Variants in TMCO1 observed in about 807,000 individuals in gnomAD.
TMCO1 encodes calcium load-activated calcium channel.
In TMCO1, 29 loss-of-function variants were observed where a neutral mutation model predicts 29.3. The ratio of observed to expected loss-of-function variants is 0.99; its 90% CI spans 0.74 to 1.35. The LOEUF (loss-of-function observed/expected upper bound fraction) is 1.35, where lower values mean the gene tolerates loss of function less well. Among genes scored for constraint, TMCO1 ranks in the 40% most tolerant of loss-of-function variants. TMCO1 has a pLI of 0.00. For synonymous variants in TMCO1, 80 were observed against 77.1 expected, an observed-to-expected ratio of 1.04 and a Z score of -0.20; for missense variants, 173 against 225.5, an observed-to-expected ratio of 0.77 and a Z score of 1.49.
chr1:165,732,802 T>C (rs1392688912), intron 6 of TMCO1, among the ~76,000 whole-genome samples: 1 of 152,180 alleles, frequency 6.6e-6, no homozygotes, highest in East Asian at 1.9e-4. Context: ...AAAGGGAATA[T>C]AAAGTATTTA....
At chr1:165,760,176 A>G (rs1343788018) in intron 2 of TMCO1, among the ~76,000 whole-genome samples, 1 of 152,222 alleles carries the variant, frequency 6.6e-6, no homozygotes, top group Non-Finnish European at 1.5e-5. Flanking sequence ...CTATAACCCC[A>G]GCACTTTGGG....
intron 1 of TMCO1, 55 bp from the exon 2 acceptor site, chr1:165,768,324 A>G (rs1652651709): frequency 1.3e-6 from 2 of 1,566,566 alleles, no homozygotes; most frequent in Admixed American, 3.3e-5. Flanking sequence ...GATCACAACA[A>G]ACAAAGTGGT....
chr1:165,743,926 T>A (rs991548352), intron 5 of TMCO1, among the ~76,000 whole-genome samples: 2 of 151,462 alleles, frequency 1.3e-5, no homozygotes, highest in Non-Finnish European at 2.9e-5. Flanking sequence ...AGTGTCGCCG[T>A]CTCAGCTCAC....
chr1:165,759,666 T>C, intron 2 of TMCO1, 82 bp from the exon 3 acceptor site: 2 of 1,226,934 alleles, frequency 1.6e-6, no homozygotes, highest in South Asian at 1.3e-5. Flanking sequence ...GCTGAACCAA[T>C]GAAAGAAGCT....
At chr1:165,761,263 G>A (rs1254331931) in intron 2 of TMCO1, among the ~76,000 whole-genome samples, 2 of 152,040 alleles carry the variant, frequency 1.3e-5, no homozygotes, top group Non-Finnish European at 2.9e-5. Flanking sequence ...GGCCAGGCAT[G>A]GTGGCTCAAA....
At chr1:165,736,821 A>G (rs556415320) in intron 6 of TMCO1, among the ~76,000 whole-genome samples, 1 of 152,242 alleles carries the variant, frequency 6.6e-6, no homozygotes, top group African/African-American at 2.4e-5. Flanking sequence ...TTTGTTTTTG[A>G]GACAGAGTCT....
rs1411818361 is a variant in TMCO1, at chr1:165,768,853, G to C, written c.-102C>G. 1 of 1,577,708 alleles carries C rather than the reference G, an allele frequency of 6.3e-7. No individual in the cohort carries two copies. Among genetic ancestry groups the C allele is most frequent in the African/African-American group, 1.3e-5 (1 of 74,302 alleles). ...CTTCCGTAGACTCCGCCACCACCGA[G>C]TAACAGACCAACTCTGACAGCCCGA... On this transcript the variant is annotated 5_prime_UTR_variant, in exon 1 of 7. Coordinates refer to ENST00000367881, the MANE Select transcript of TMCO1 (RefSeq NM_019026.6).
intron 5 of TMCO1, among the ~76,000 whole-genome samples, chr1:165,749,500 T>C (rs901737406): frequency 2.6e-5 from 4 of 152,146 alleles, no homozygotes; most frequent in African/African-American, 9.7e-5. Context: ...GAAACAAATA[T>C]TTAAATATAA....
At chr1:165,744,010 C>A (rs1049879375) in intron 5 of TMCO1, among the ~76,000 whole-genome samples, 30 of 151,892 alleles carry the variant, frequency 2.0e-4, no homozygotes, top group African/African-American at 7.3e-4. Flanking sequence ...CAGATGTGCA[C>A]CACCACACCC....
chr1:165,755,697 A>C (rs957910663), intron 3 of TMCO1, among the ~76,000 whole-genome samples: 2 of 152,094 alleles, frequency 1.3e-5, no homozygotes, highest in African/African-American at 4.8e-5. Flanking sequence ...AAAAGAAAAG[A>C]GATACTTATC....
At chr1:165,740,851 G>A (rs1256048013) in intron 6 of TMCO1, among the ~76,000 whole-genome samples, 1 of 152,192 alleles carries the variant, frequency 6.6e-6, no homozygotes, top group East Asian at 1.9e-4. Context: ...ATCTTATGAT[G>A]TAGCAGGAAG....
downstream of TMCO1, chr1:165,726,666 T>C: frequency 6.6e-6 from 3 of 454,370 alleles, no homozygotes; most frequent in African/African-American, 2.0e-5. Context: ...ACACTCAAAT[T>C]TATCCATATA....
Position 165,727,262 on chromosome 1 carries a change from G to A in TMCO1, c.*761C>T, listed in dbSNP as rs1057007984. 1 of 447,500 alleles carries A rather than the reference G, an allele frequency of 2.2e-6. No homozygotes were observed. The highest frequency in any genetic ancestry group is 4.4e-6 in the Non-Finnish European group (1 of 224,898). 27.7% of individuals were successfully genotyped at this position (447,500 alleles called of 1,614,324 possible). On this transcript the variant is annotated 3_prime_UTR_variant, in exon 7 of 7. Transcript: ENST00000367881. ...GTAATAGGATATGAAGAGAACAGCTGAGGACCCTCATTTTTATTTATTTAT... is the reference window on the plus strand; with the variant it reads ...GTAATAGGATATGAAGAGAACAGCTAAGGACCCTCATTTTTATTTATTTAT...
chr1:165,743,370 T>C, intron 5 of TMCO1, 59 bp from the exon 6 acceptor site: 1 of 1,562,584 alleles, frequency 6.4e-7, no homozygotes, highest in Non-Finnish European at 8.7e-7. Context: ...ACTTTCTTAC[T>C]TCCAAAGAAG....
intron 2 of TMCO1, among the ~76,000 whole-genome samples, chr1:165,767,742 C>A (rs1347243831): frequency 1.3e-5 from 2 of 152,114 alleles, no homozygotes; most frequent in Non-Finnish European, 2.9e-5. Flanking sequence ...TGTAGTGACA[C>A]CATCGTGGCC....
At position 165,754,247 on chromosome 1, in the gene TMCO1, T is replaced by C. The variant is rs1049109060; in HGVS notation, c.236A>G (p.Asn79Ser). 1.1e-5 allele frequency: 17 copies of C among 1,611,178 alleles called. No individual in the cohort carries two copies. Among genetic ancestry groups the C allele is most frequent in the Non-Finnish European group, 1.2e-5 (14 of 1,177,758 alleles). ...IERQEEKLKN[N>S]NRDLSMVRMK... ...TCTTACCATTGATAGATCTCTGTTG[T>C]TATTCTTCAGTTTCTCTTCTTGTCT... Residue 79 changes from asparagine (N) to serine (S), a missense_variant, in exon 4 of 7, where the codon AAC becomes AGC. Asn to Ser is a conservative substitution (Grantham distance 46). Transcript: ENST00000367881.
intron 5 of TMCO1, among the ~76,000 whole-genome samples, chr1:165,746,335 T>A (rs1651796328): frequency 6.6e-6 from 1 of 151,576 alleles, no homozygotes; most frequent in Admixed American, 6.6e-5. Flanking sequence ...AATAGCCTTC[T>A]TTCCTGCCAA....
intron 6 of TMCO1, among the ~76,000 whole-genome samples, chr1:165,742,165 C>T (rs576771458): frequency 4.2e-4 from 64 of 152,260 alleles, no homozygotes; most frequent in African/African-American, 1.5e-3. Flanking sequence ...ATGTGCAAAC[C>T]TTTCCACTAC....
At chr1:165,746,650 A>T (rs1359684411) in intron 5 of TMCO1, among the ~76,000 whole-genome samples, 1 of 151,446 alleles carries the variant, frequency 6.6e-6, no homozygotes, top group Non-Finnish European at 1.5e-5. Flanking sequence ...AGCTTTGAAA[A>T]CCTCCATTCT....
Sources: gnomAD v4.1 joint callset for allele counts (sites outside exome capture counted in the v4.1 genomes callset) on GRCh38, gnomAD v4.1.1 for gene constraint, MANE v1.5 for transcripts, NCBI Gene and HGNC (gene_info 2026-07-23, HGNC 2026-07-21) for gene names.